The following CNTNAP2 variants were observed in gnomAD, a reference collection of about 807,000 sequenced individuals.
The protein encoded by CNTNAP2 is contactin associated protein 2.
CNTNAP2 carries 98 observed loss-of-function variants against 155.2 expected under a neutral mutation model. The observed-to-expected ratio is 0.63, with a 90% CI of 0.54 to 0.75. CNTNAP2 has a LOEUF of 0.75. Among genes scored for constraint, CNTNAP2 ranks in the 30% least tolerant of loss-of-function variants. CNTNAP2 has a pLI of 0.00. For synonymous variants in CNTNAP2, 651 were observed against 631.2 expected (o/e 1.03, Z -0.47); for missense variants, 1,727 against 1,688.1 (o/e 1.02, Z -0.40).
At chr7:147,780,400 A>G (rs1312243273) in intron 13 of CNTNAP2, among the ~76,000 whole-genome samples, 1 of 152,224 alleles carries the variant, frequency 6.6e-6, no homozygotes, top group Non-Finnish European at 1.5e-5. Context: ...TTAAAAATTA[A>G]CAGGTTTTTT....
At chr7:146,354,573 C>T (rs1423045623) in intron 1 of CNTNAP2, among the ~76,000 whole-genome samples, 2 of 152,028 alleles carry the variant, frequency 1.3e-5, no homozygotes, top group East Asian at 3.9e-4. Flanking sequence ...TGCCACCACG[C>T]CAGGCTAGTT....
At chr7:147,480,859 G>C (rs574296988) in intron 10 of CNTNAP2, among the ~76,000 whole-genome samples, 1 of 152,156 alleles carries the variant, frequency 6.6e-6, no homozygotes. Flanking sequence ...CTGGGACCTT[G>C]TTAGGATCTC....
intron 11 of CNTNAP2, among the ~76,000 whole-genome samples, chr7:147,507,674 T>TC (rs1304550353): frequency 7.5e-5 from 11 of 145,696 alleles, no homozygotes; most frequent in African/African-American, 2.8e-4. Flanking sequence ...TGCCTCAGCC[T>TC]CCCGAGTAGC....
At chr7:147,004,404 T>C (rs867039363) in intron 3 of CNTNAP2, among the ~76,000 whole-genome samples, 5 of 152,024 alleles carry the variant, frequency 3.3e-5, no homozygotes, top group Middle Eastern at 3.4e-3. Flanking sequence ...AAATGAGCAA[T>C]TGGTCATAAC....
At chr7:147,832,807 TTATA>T (rs1045361635) in intron 13 of CNTNAP2, among the ~76,000 whole-genome samples, 1 of 141,168 alleles carries the variant, frequency 7.1e-6, no homozygotes, top group South Asian at 2.2e-4. Context: ...TGTAATTTAA[TTATA>T]TATAGTTATA....
At chr7:146,875,117 G>A (rs1311621120) in intron 3 of CNTNAP2, among the ~76,000 whole-genome samples, 1 of 152,114 alleles carries the variant, frequency 6.6e-6, no homozygotes, top group Non-Finnish European at 1.5e-5. Flanking sequence ...ACAGACATAG[G>A]CTGAAAGGCA....
chr7:146,733,660 T>A (rs1801564782), intron 1 of CNTNAP2, among the ~76,000 whole-genome samples: 1 of 152,014 alleles, frequency 6.6e-6, no homozygotes, highest in African/African-American at 2.4e-5. Flanking sequence ...CACTTAAGAT[T>A]GACTGATGAG....
chr7:146,796,932 C>G (rs868302599), intron 2 of CNTNAP2, among the ~76,000 whole-genome samples: 1 of 151,966 alleles, frequency 6.6e-6, no homozygotes, highest in African/African-American at 2.4e-5. Flanking sequence ...GTCAGGAGAT[C>G]GAGACCATTC....
chr7:146,787,303 A>C (rs925133927), intron 2 of CNTNAP2, among the ~76,000 whole-genome samples: 2 of 152,156 alleles, frequency 1.3e-5, no homozygotes, highest in African/African-American at 4.8e-5. Context: ...CGCTGACTTC[A>C]AGAATGAAGC....
At chr7:146,515,285 T>G (rs1233470624) in intron 1 of CNTNAP2, among the ~76,000 whole-genome samples, 3 of 152,062 alleles carry the variant, frequency 2.0e-5, no homozygotes, top group African/African-American at 7.2e-5. Flanking sequence ...TGCAGAGGAA[T>G]CCAAGATAAT....
intron 18 of CNTNAP2, among the ~76,000 whole-genome samples, chr7:148,178,271 A>T (rs1794981349): frequency 6.6e-6 from 1 of 152,228 alleles, no homozygotes; most frequent in African/African-American, 2.4e-5. Flanking sequence ...ACTGCAGTTG[A>T]AAAATACATT....
intron 4 of CNTNAP2, among the ~76,000 whole-genome samples, chr7:147,094,503 G>A (rs1056882504): frequency 6.7e-6 from 1 of 148,582 alleles, no homozygotes; most frequent in Non-Finnish European, 1.5e-5. Flanking sequence ...CTGGGTTCAC[G>A]CCATTCTCCT....
intron 1 of CNTNAP2, among the ~76,000 whole-genome samples, chr7:146,549,211 C>G (rs1798078582): frequency 6.6e-6 from 1 of 151,864 alleles, no homozygotes; most frequent in Non-Finnish European, 1.5e-5. Flanking sequence ...TTAGGATGAA[C>G]AGTTTAAATT....
chr7:147,826,830 T>A (rs1164430414), intron 13 of CNTNAP2, among the ~76,000 whole-genome samples: 1 of 152,140 alleles, frequency 6.6e-6, no homozygotes, highest in Non-Finnish European at 1.5e-5. Flanking sequence ...TAAAATTTAA[T>A]GAATTCAGTT....
At chr7:146,121,055 C>A (rs1172342501) in intron 1 of CNTNAP2, among the ~76,000 whole-genome samples, 1 of 149,872 alleles carries the variant, frequency 6.7e-6, no homozygotes, top group Non-Finnish European at 1.5e-5. Context: ...ATTCACTGTT[C>A]CTTATTAGTA....
At chr7:146,824,339 A>G (rs1221235633) in intron 2 of CNTNAP2, among the ~76,000 whole-genome samples, 4 of 152,192 alleles carry the variant, frequency 2.6e-5, no homozygotes, top group Non-Finnish European at 4.4e-5. Context: ...ATAGTGTTGT[A>G]ACAAACATAT....
intron 1 of CNTNAP2, among the ~76,000 whole-genome samples, chr7:146,346,344 T>G (rs564973800): frequency 6.6e-6 from 1 of 152,166 alleles, no homozygotes; most frequent in African/African-American, 2.4e-5. Flanking sequence ...GTGAATCCTA[T>G]TGTCAACTGT....
intron 2 of CNTNAP2, among the ~76,000 whole-genome samples, chr7:146,829,762 C>T (rs567687011): frequency 2.0e-5 from 3 of 152,104 alleles, no homozygotes; most frequent in African/African-American, 7.2e-5. Context: ...TGTTATAAAG[C>T]TTAACCGTCT....
chr7:146,266,915 G>A (rs891474281), intron 1 of CNTNAP2, among the ~76,000 whole-genome samples: 14 of 147,018 alleles, frequency 9.5e-5, no homozygotes, highest in African/African-American at 3.5e-4. Flanking sequence ...TTAGTTGGGT[G>A]TATAGCTGCC....
Sources: allele counts gnomAD v4.1 joint callset (sites outside exome capture counted in the v4.1 genomes callset), GRCh38; gene constraint gnomAD v4.1.1; transcripts MANE v1.5; gene names NCBI Gene and HGNC (gene_info 2026-07-23, HGNC 2026-07-21).